The following YTHDC2 variants were observed in gnomAD, a reference collection of about 807,000 sequenced individuals.
The protein encoded by YTHDC2 is 3'-5' RNA helicase YTHDC2.
YTHDC2 carries 45 observed loss-of-function variants against 174.9 expected under a neutral mutation model. That is an observed-to-expected ratio of 0.26 (90% CI 0.20 to 0.33). YTHDC2 has a LOEUF of 0.33. Ranked by LOEUF, YTHDC2 falls within the 10% of genes least tolerant of loss-of-function variation. The pLI is 1.00. For missense variants in YTHDC2, 1,650 were observed against 1,723.7 expected (o/e 0.96, Z 0.76); for synonymous variants, 657 against 574.5 (o/e 1.14, Z -2.05).
rs200133495 is a variant in YTHDC2, at chr5:113,579,604, A to G, written c.3263A>G (p.Asp1088Gly). ...TGGACAGTGGATGGCATTCCCAATG[A>G]CAGTAGTGATAGTGAAATGGAGGAC... ...SSFRVDGIPN[D>G]SSDSEMEDKT... The change falls in exon 24 of 30, where the codon GAC becomes GGC. Residue 1088 changes from aspartate to glycine, a missense_variant. By Grantham distance (94) the Asp-to-Gly change is moderately conservative (BLOSUM62 -1). This residue lies in a region of YTHDC2 where 913 missense variants were observed against 940.4 expected (regional missense o/e 0.97). Transcript: ENST00000161863. 105 of 1,607,674 alleles carry G rather than the reference A, an allele frequency of 6.5e-5. No individual in the cohort carries two copies. The highest frequency in any genetic ancestry group is 5.8e-4 in the South Asian group (52 of 90,180).
chr5:113,569,401 A>G (rs532556550), intron 23 of YTHDC2, among the ~76,000 whole-genome samples: 28 of 152,196 alleles, frequency 1.8e-4, no homozygotes, highest in African/African-American at 6.5e-4. Context: ...TGGCGTTTTT[A>G]TCATGAAATC....
chr5:113,579,822 G>A (rs1233195162), intron 24 of YTHDC2, 127 bp downstream of exon 24: 1 of 1,296,648 alleles, frequency 7.7e-7, no homozygotes, highest in Admixed American at 3.9e-5. Flanking sequence ...TTGTTTTTCA[G>A]TTTTCTTGGG....
At position 113,563,455 on chromosome 5, in the gene YTHDC2, C is replaced by T. The variant is rs780032154; in HGVS notation, c.2405C>T (p.Pro802Leu). ...DFLMKAPEPPPALIVRNAVQM... is the reference protein window; with the variant it reads ...DFLMKAPEPPLALIVRNAVQM... ...CTTATGAAAGCTCCTGAACCTCCAC[C>T]AGCTTTAATTGTAAGAAATGCTGTA... Residue 802 changes from proline (P) to leucine (L), a missense_variant, in exon 19 of 30, where the codon CCA becomes CTA. By Grantham distance (98) the Pro-to-Leu change is moderately conservative. This residue lies in a region of YTHDC2 where 913 missense variants were observed against 940.4 expected (regional missense o/e 0.97). Coordinates refer to ENST00000161863, the MANE Select transcript of YTHDC2 (RefSeq NM_022828.5). 1.2e-6 allele frequency: 2 copies of T among 1,610,652 alleles called. No individual in the cohort carries two copies. Among genetic ancestry groups the T allele is most frequent in the South Asian group, 1.1e-5 (1 of 90,268 alleles).
At chr5:113,543,530 G>A (rs1775629843) in intron 10 of YTHDC2, among the ~76,000 whole-genome samples, 1 of 152,126 alleles carries the variant, frequency 6.6e-6, no homozygotes, top group East Asian at 1.9e-4. Context: ...GACTATTGCA[G>A]TAGCCCGTTA....
Position 113,516,655 on chromosome 5 carries a change from G to T in YTHDC2, c.278+1293G>T, listed in dbSNP as rs141219123. 1.9e-3 allele frequency among the ~76,000 whole-genome samples: 286 copies of T among 152,248 alleles called. 2 individuals carry two copies. The highest frequency in any genetic ancestry group is 0.013 in the East Asian group (69 of 5,188). On this transcript the variant is annotated intron_variant, in intron 2 of 29. Transcript: ENST00000161863. ...TCTAGAGGTTGCCAAATGTCCTCTG[G>T]AGAGCAAAATTGCTCAGGTTGAGAA...
At chr5:113,563,616 A>T (rs1053756293) in intron 19 of YTHDC2, 124 bp downstream of exon 19, 24 of 1,131,300 alleles carry the variant, frequency 2.1e-5, no homozygotes, top group Non-Finnish European at 2.7e-5. Context: ...ATGTGTCCAG[A>T]TAAACTAATT....
At chr5:113,535,537 C>A in intron 6 of YTHDC2, 105 bp from the exon 7 acceptor site, 2 of 1,103,226 alleles carry the variant, frequency 1.8e-6, no homozygotes, top group Non-Finnish European at 2.5e-6. Context: ...GCCTTGTCCA[C>A]ATTTAATTTG....
intron 3 of YTHDC2, 116 bp downstream of exon 3, chr5:113,525,293 T>C (rs1013955505): frequency 3.4e-5 from 31 of 921,422 alleles, no homozygotes; most frequent in Non-Finnish European, 7.9e-6. Context: ...ATTGGAATAG[T>C]TTGTTAGAAA....
At chr5:113,530,939 G>T (rs770331259) in intron 4 of YTHDC2, among the ~76,000 whole-genome samples, 20 of 152,064 alleles carry the variant, frequency 1.3e-4, no homozygotes, top group Non-Finnish European at 2.6e-4. Context: ...ATTTTTGAAG[G>T]ATAGTTTTGC....
chr5:113,584,641 G>A (rs549634680), intron 26 of YTHDC2, among the ~76,000 whole-genome samples, 162 bp downstream of exon 26: 55 of 152,156 alleles, frequency 3.6e-4, no homozygotes, highest in Admixed American at 1.2e-3. Context: ...AAATTTTAAA[G>A]TTTTTCCTGC....
intron 23 of YTHDC2, among the ~76,000 whole-genome samples, chr5:113,578,111 A>C (rs940422074): frequency 1.3e-5 from 2 of 152,146 alleles, no homozygotes; most frequent in Non-Finnish European, 2.9e-5. Context: ...AAGTTATACT[A>C]TTGATTATAA....
intron 2 of YTHDC2, among the ~76,000 whole-genome samples, chr5:113,518,248 C>T (rs1773616022): frequency 1.4e-5 from 2 of 144,660 alleles, no homozygotes; most frequent in Admixed American, 1.4e-4. Flanking sequence ...GGCTTTAGTG[C>T]AGTGGAATGA....
chr5:113,578,469 A>T (rs1778203488), intron 23 of YTHDC2, among the ~76,000 whole-genome samples: 1 of 152,190 alleles, frequency 6.6e-6, no homozygotes, highest in South Asian at 2.1e-4. Context: ...ATCAGAAATT[A>T]TTTAGCCTAT....
chr5:113,542,631 T>G (rs1293257906), intron 10 of YTHDC2, 128 bp downstream of exon 10: 1 of 746,806 alleles, frequency 1.3e-6, no homozygotes, highest in East Asian at 3.0e-5. Context: ...AGTATTTATT[T>G]TATTTCAAAT....
chr5:113,548,635 A>C lies in YTHDC2; in HGVS notation c.1590A>C (p.Gly530=). 1.2e-6 allele frequency: 2 copies of C among 1,612,914 alleles called. No individual in the cohort carries two copies. Among genetic ancestry groups the C allele is most frequent in the Non-Finnish European group, 1.7e-6 (2 of 1,179,490 alleles). The change falls in exon 11 of 30, where the codon GGA becomes GGC. Residue 530 remains glycine, a synonymous_variant. Transcript: ENST00000161863. ...ASQVEQLISM[G]ANVHSKASNG... ...AAGTAGAACAGTTAATCAGTATGGG[A>C]GCCAATGTCCATAGTAAAGCATCAA... is the stretch of plus-strand genomic sequence containing the variant.
intron 23 of YTHDC2, among the ~76,000 whole-genome samples, chr5:113,577,301 T>C (rs1778117563): frequency 1.3e-5 from 2 of 152,202 alleles, no homozygotes; most frequent in Non-Finnish European, 2.9e-5. Context: ...TTACCTATTT[T>C]TAAATAATGA....
intron 17 of YTHDC2, among the ~76,000 whole-genome samples, chr5:113,560,305 G>T (rs1776873286): frequency 6.6e-6 from 1 of 152,146 alleles, no homozygotes; most frequent in South Asian, 2.1e-4. Context: ...AGGACTAAAT[G>T]GCTGGTGTCA....
rs1448297452 is a variant in YTHDC2 at position 113,565,882 on chromosome 5, T to C, written c.2716-11T>C. ...AATGTGTCTTGTTATGCAATTATTC[T>C]CTTTTTATAGGCCTGGCAAAAAGCA... On this transcript the variant is annotated splice_polypyrimidine_tract_variant and intron_variant, in intron 20 of 29. Coordinates refer to ENST00000161863, the MANE Select transcript of YTHDC2 (RefSeq NM_022828.5). The C allele has an allele frequency of 6.2e-7, 1 of 1,608,546 alleles. No homozygotes were observed. Among genetic ancestry groups the C allele is most frequent in the African/African-American group, 1.3e-5 (1 of 74,560 alleles).
intron 4 of YTHDC2, among the ~76,000 whole-genome samples, chr5:113,532,464 T>TA (rs758455466): frequency 4.2e-4 from 64 of 152,202 alleles, no homozygotes; most frequent in Non-Finnish European, 7.2e-4. Context: ...TTTCATTATT[T>TA]AAAAAATCCC....
Sources: allele counts gnomAD v4.1 joint callset (sites outside exome capture counted in the v4.1 genomes callset), GRCh38; gene constraint gnomAD v4.1.1; regional missense constraint gnomAD v4.1.1; transcripts MANE v1.5; gene names NCBI Gene and HGNC (gene_info 2026-07-23, HGNC 2026-07-21).